Variants in PTPRE observed in about 807,000 individuals in gnomAD.
The protein encoded by PTPRE is receptor-type tyrosine-protein phosphatase epsilon.
Under a neutral mutation model 102.0 loss-of-function variants are expected in PTPRE, and 51 were observed. The observed-to-expected ratio is 0.50, with a 90% CI of 0.40 to 0.63. PTPRE has a LOEUF of 0.63. Ranked by LOEUF, PTPRE falls within the 30% of genes least tolerant of loss-of-function variation. The pLI is 0.00. For missense variants in PTPRE, 752 were observed against 915.1 expected, an observed-to-expected ratio of 0.82 and a Z score of 2.30; for synonymous variants, 345 against 348.2, an observed-to-expected ratio of 0.99 and a Z score of 0.10.
At chr10:128,005,614 G>A (rs538657651) in intron 2 of PTPRE, among the ~76,000 whole-genome samples, 1 of 152,352 alleles carries the variant, frequency 6.6e-6, no homozygotes, top group Non-Finnish European at 1.5e-5. Flanking sequence ...CAGAGTGTGA[G>A]AACTGCTGCT....
At position 128,060,926 on chromosome 10, in the gene PTPRE, GT is replaced by G. The variant is rs747258751; in HGVS notation, c.512-5del. On this transcript the variant is annotated splice_polypyrimidine_tract_variant and intron_variant, in intron 7 of 20. Transcript: ENST00000254667. ...GTCCTAATATCTTGGCTTTGTTTGG[GT>G]TTTTTTTCCAGATGACCATTCTAGG... The G allele has an allele frequency of 2.2e-5, 36 of 1,611,984 alleles. No individual in the cohort carries two copies. Among genetic ancestry groups the G allele is most frequent in the Non-Finnish European group, 2.7e-5 (32 of 1,178,426 alleles).
At chr10:128,012,425 A>G (rs1845097442) in intron 2 of PTPRE, among the ~76,000 whole-genome samples, 1 of 152,158 alleles carries the variant, frequency 6.6e-6, no homozygotes, top group Non-Finnish European at 1.5e-5. Flanking sequence ...CTGAGCTAGT[A>G]AATATCCAGT....
Position 127,947,309 on chromosome 10 carries a change from T to C in PTPRE, c.-30-34965T>C, listed in dbSNP as rs556171531. The stretch of plus-strand genomic sequence containing the variant: ...AAAAATTCTCAGAGGTATGTTTATC[T>C]AAAGTGAGCCAGATTCACGTGCATT... On this transcript the variant is annotated intron_variant, in intron 1 of 20. Coordinates refer to ENST00000254667, the MANE Select transcript of PTPRE (RefSeq NM_006504.6). Among the ~76,000 whole-genome samples, 14 of 152,346 alleles carry C rather than the reference T, an allele frequency of 9.2e-5. No homozygotes were observed. The East Asian group carries it at 2.7e-3, about 29-fold the overall frequency.
At chr10:128,081,497 C>T (rs1384910438) in intron 20 of PTPRE, among the ~76,000 whole-genome samples, 2 of 152,228 alleles carry the variant, frequency 1.3e-5, no homozygotes, top group Admixed American at 1.3e-4. Flanking sequence ...CAGTTAGCTG[C>T]TGTGTTAGCT....
At chr10:128,081,561 C>G (rs1428303108) in intron 20 of PTPRE, among the ~76,000 whole-genome samples, 1 of 152,226 alleles carries the variant, frequency 6.6e-6, no homozygotes, top group Non-Finnish European at 1.5e-5. Context: ...ACTGAGCCAG[C>G]TTTGATATTC....
intron 2 of PTPRE, chr10:127,999,410 G>A (rs1371337180): frequency 3.0e-6 from 1 of 330,312 alleles, no homozygotes; most frequent in Non-Finnish European, 4.3e-6. Context: ...GTGAACCACG[G>A]GGGGAATCAT....
chr10:128,032,561 A>G (rs1846858158), intron 2 of PTPRE, among the ~76,000 whole-genome samples: 1 of 152,226 alleles, frequency 6.6e-6, no homozygotes, highest in South Asian at 2.1e-4. Context: ...GACAACAGGC[A>G]GGTTAGAAGA....
At chr10:127,913,702 G>A (rs560188076) in intron 1 of PTPRE, among the ~76,000 whole-genome samples, 1 of 152,204 alleles carries the variant, frequency 6.6e-6, no homozygotes, top group East Asian at 1.9e-4. Context: ...GCACAGCCCA[G>A]ACGAAATGGA....
intron 10 of PTPRE, among the ~76,000 whole-genome samples, chr10:128,065,548 C>T (rs1411590280): frequency 6.6e-6 from 1 of 152,184 alleles, no homozygotes; most frequent in Non-Finnish European, 1.5e-5. Flanking sequence ...AGCCTCGTCC[C>T]TGCTAGAGAA....
chr10:127,961,878 G>A, intron 1 of PTPRE, among the ~76,000 whole-genome samples: 1 of 152,272 alleles, frequency 6.6e-6, no homozygotes, highest in East Asian at 1.9e-4. Context: ...TACTCCCCAG[G>A]TGCCTGTGGA....
Position 128,015,743 on chromosome 10 carries a change from C to A in PTPRE, c.-7-25132C>A, listed in dbSNP as rs191508927. Among the ~76,000 whole-genome samples the A allele has an allele frequency of 1.5e-4, 23 of 152,216 alleles. 1 individual carries two copies. The South Asian group carries it at 4.2e-3, about 27-fold the overall frequency. ...AGCTACTCACTTGGGCCCTGGAATT[C>A]GAGGTTACAGTGAGCTATGATCTTG... On this transcript the variant is annotated intron_variant, in intron 2 of 20. Transcript: ENST00000254667.
intron 2 of PTPRE, among the ~76,000 whole-genome samples, chr10:128,033,193 C>T (rs1412829502): frequency 1.3e-5 from 2 of 152,156 alleles, no homozygotes; most frequent in Non-Finnish European, 2.9e-5. Flanking sequence ...GCTAACAAAG[C>T]ATGACTTTTC....
At chr10:128,037,736 C>T (rs1847332161) in intron 2 of PTPRE, among the ~76,000 whole-genome samples, 1 of 152,172 alleles carries the variant, frequency 6.6e-6, no homozygotes, top group South Asian at 2.1e-4. Flanking sequence ...GCAATTTGTG[C>T]TCTACATACT....
intron 2 of PTPRE, among the ~76,000 whole-genome samples, chr10:127,992,178 T>A (rs946694590): frequency 6.6e-6 from 1 of 151,908 alleles, no homozygotes; most frequent in South Asian, 2.1e-4. Context: ...GAGGGGCAGG[T>A]GGAGCACTCA....
In PTPRE at chr10:128,021,601, C is replaced by T. The variant is rs1161096814; in HGVS notation, c.-7-19274C>T. 4.6e-5 allele frequency among the ~76,000 whole-genome samples: 7 copies of T among 152,190 alleles called. No homozygotes were observed. In the East Asian group the frequency reaches 1.3e-3, roughly 29 times the overall value. The stretch of plus-strand genomic sequence containing the variant: ...CTGGTGAGAAGGTGAAACTACTGTC[C>T]TTGGCCTCCAAAGCATAGAATGCCC... On this transcript the variant is annotated intron_variant, in intron 2 of 20. Coordinates refer to ENST00000254667, the MANE Select transcript of PTPRE (RefSeq NM_006504.6).
intron 2 of PTPRE, among the ~76,000 whole-genome samples, chr10:127,995,659 T>C (rs1853173818): frequency 6.6e-6 from 1 of 152,224 alleles, no homozygotes. Context: ...TGCTGCAACA[T>C]TTGATTAATT....
chr10:128,021,195 G>A (rs971122877), intron 2 of PTPRE, among the ~76,000 whole-genome samples: 9 of 152,094 alleles, frequency 5.9e-5, no homozygotes, highest in Non-Finnish European at 1.2e-4. Flanking sequence ...GCGCCCGGCC[G>A]AGTGTCTTTT....
At chr10:127,967,575 T>C (rs1850355913) in intron 1 of PTPRE, among the ~76,000 whole-genome samples, 1 of 152,232 alleles carries the variant, frequency 6.6e-6, no homozygotes, top group Non-Finnish European at 1.5e-5. Flanking sequence ...TGTGAGTCCA[T>C]TAAACCTCTT....
chr10:128,073,194 C>T (rs755437189), intron 16 of PTPRE, 143 bp from the exon 17 acceptor site: 15 of 1,139,582 alleles, frequency 1.3e-5, no homozygotes, highest in East Asian at 7.6e-5. Context: ...CCTGAGTGCT[C>T]GTGCCAACTG....
Sources: gnomAD v4.1 joint callset for allele counts (sites outside exome capture counted in the v4.1 genomes callset) on GRCh38, gnomAD v4.1.1 for gene constraint, MANE v1.5 for transcripts, NCBI Gene and HGNC (gene_info 2026-07-23, HGNC 2026-07-21) for gene names.